The following MAP4K3 variants were observed in gnomAD, a reference collection of about 807,000 sequenced individuals.
MAP4K3 encodes MAPK/ERK kinase kinase kinase 3.
MAP4K3 carries 94 observed loss-of-function variants against 143.5 expected under a neutral mutation model. The ratio of observed to expected loss-of-function variants is 0.65; its 90% CI spans 0.55 to 0.78. MAP4K3 has a LOEUF of 0.78. Among genes scored for constraint, MAP4K3 ranks in the 30% least tolerant of loss-of-function variants. The pLI is 0.00. For missense variants in MAP4K3, 1,077 were observed against 1,068.1 expected, an observed-to-expected ratio of 1.01 and a Z score of -0.12; for synonymous variants, 416 against 347.2, an observed-to-expected ratio of 1.20 and a Z score of -2.20.
chr2:39,286,224 G>C (rs550231454), intron 21 of MAP4K3, among the ~76,000 whole-genome samples: 1 of 152,320 alleles, frequency 6.6e-6, no homozygotes, highest in East Asian at 1.9e-4. Context: ...GTGCAACCTA[G>C]ATCCCTTGCA....
chr2:39,400,187 T>C (rs1369750774), intron 1 of MAP4K3, among the ~76,000 whole-genome samples: 1 of 152,096 alleles, frequency 6.6e-6, no homozygotes, highest in Non-Finnish European at 1.5e-5. Context: ...ATCCCTCCAT[T>C]CACAGAATTA....
chr2:39,429,463 G>T (rs1222604626), intron 1 of MAP4K3, among the ~76,000 whole-genome samples: 2 of 152,090 alleles, frequency 1.3e-5, no homozygotes, highest in Non-Finnish European at 2.9e-5. Flanking sequence ...TATATACAAA[G>T]ATATAAAAAA....
At chr2:39,288,824 G>A (rs370863191) in intron 19 of MAP4K3, among the ~76,000 whole-genome samples, 3 of 152,236 alleles carry the variant, frequency 2.0e-5, no homozygotes, top group South Asian at 2.1e-4. Context: ...AGGCTGAGGC[G>A]AGCGGATCAC....
At chr2:39,343,497 C>G (rs1665199775) in intron 3 of MAP4K3, 45 bp from the exon 4 acceptor site, 4 of 1,507,808 alleles carry the variant, frequency 2.7e-6, no homozygotes, top group African/African-American at 1.4e-5. Context: ...ATGATTAAAA[C>G]TGTCTGTGTG....
At chr2:39,311,139 G>A (rs944924333) in intron 13 of MAP4K3, among the ~76,000 whole-genome samples, 16 of 152,208 alleles carry the variant, frequency 1.1e-4, no homozygotes, top group African/African-American at 3.1e-4. Flanking sequence ...GTGTAATGGC[G>A]CGATCTCAGC....
At chr2:39,381,546 T>G (rs1388715984) in intron 1 of MAP4K3, among the ~76,000 whole-genome samples, 1 of 152,140 alleles carries the variant, frequency 6.6e-6, no homozygotes, top group African/African-American at 2.4e-5. Flanking sequence ...AAGAAACCAT[T>G]TGCCTAACCC....
intron 1 of MAP4K3, among the ~76,000 whole-genome samples, chr2:39,388,253 G>T (rs143593043): frequency 2.0e-5 from 3 of 152,094 alleles, no homozygotes; most frequent in Admixed American, 2.0e-4. Context: ...CCCAATGTGC[G>T]TAAACACCTT....
intron 15 of MAP4K3, among the ~76,000 whole-genome samples, chr2:39,305,276 A>G (rs1487649192): frequency 6.6e-6 from 1 of 152,196 alleles, no homozygotes; most frequent in Non-Finnish European, 1.5e-5. Flanking sequence ...ATATATATTT[A>G]CTTTAAAAAG....
intron 26 of MAP4K3, chr2:39,267,484 A>C (rs11124670): frequency 0.77 from 320,409 of 416,818 alleles, 129,240 homozygotes; most frequent in Non-Finnish European, 0.85. Flanking sequence ...CAGCCTGGCC[A>C]ACATAATAAA....
At chr2:39,371,785 G>A (rs1666086475) in intron 2 of MAP4K3, among the ~76,000 whole-genome samples, 1 of 151,254 alleles carries the variant, frequency 6.6e-6, no homozygotes, top group African/African-American at 2.4e-5. Flanking sequence ...GAGCTAAGAA[G>A]GTCACTACAT....
At chr2:39,431,050 C>G (rs550312847) in intron 1 of MAP4K3, among the ~76,000 whole-genome samples, 1 of 152,252 alleles carries the variant, frequency 6.6e-6, no homozygotes, top group South Asian at 2.1e-4. Context: ...CAGCAATGAA[C>G]AAAGCAAAAT....
At chr2:39,266,144 A>C (rs3770670) in intron 27 of MAP4K3, among the ~76,000 whole-genome samples, 135,064 of 152,184 alleles carry the variant, frequency 0.89, 60,118 homozygotes, top group Non-Finnish European at 0.92. Flanking sequence ...AGAGTCAAGT[A>C]AATTTGCTGC....
intron 12 of MAP4K3, among the ~76,000 whole-genome samples, chr2:39,320,136 T>C (rs2148509851): frequency 6.6e-6 from 1 of 152,302 alleles, no homozygotes; most frequent in South Asian, 2.1e-4. Context: ...AATAATGTTT[T>C]AGCTACAGCA....
At chr2:39,271,023 C>A (rs1413019897) in intron 26 of MAP4K3, among the ~76,000 whole-genome samples, 4 of 151,600 alleles carry the variant, frequency 2.6e-5, no homozygotes, top group Non-Finnish European at 4.4e-5. Flanking sequence ...AGGTGAAATA[C>A]CCTTAGAGCT....
At chr2:39,390,203 T>C (rs994240547) in intron 1 of MAP4K3, among the ~76,000 whole-genome samples, 6 of 152,186 alleles carry the variant, frequency 3.9e-5, no homozygotes, top group Non-Finnish European at 4.4e-5. Context: ...ATGATAATAG[T>C]ATTTGGTAGG....
Position 39,315,397 on chromosome 2 carries a change from G to C in MAP4K3, c.919-9C>G. The C allele has an allele frequency of 1.3e-6, 2 of 1,586,098 alleles. No homozygotes were observed. Among genetic ancestry groups the C allele is most frequent in the South Asian group, 2.2e-5 (2 of 88,964 alleles). ...GGTACAGCAACAAGAGGCTAGAAAA[G>C]AACAAAATCAATGATATGCAGCATT... On this transcript the variant is annotated splice_polypyrimidine_tract_variant and intron_variant, in intron 12 of 33. Transcript: ENST00000263881.
At chr2:39,271,547 T>A (rs1157257539) in intron 26 of MAP4K3, among the ~76,000 whole-genome samples, 1 of 152,132 alleles carries the variant, frequency 6.6e-6, no homozygotes, top group Non-Finnish European at 1.5e-5. Context: ...AATAACAAAT[T>A]ACTGAAACTA....
chr2:39,344,061 G>T (rs567142133), intron 3 of MAP4K3, among the ~76,000 whole-genome samples: 1 of 152,224 alleles, frequency 6.6e-6, no homozygotes, highest in South Asian at 2.1e-4. Flanking sequence ...ACCAGGAAAT[G>T]TACCATTCAT....
intron 4 of MAP4K3, 60 bp downstream of exon 4, chr2:39,343,328 A>C (rs55797011): frequency 0.026 from 29,043 of 1,105,770 alleles, 480 homozygotes; most frequent in African/African-American, 0.054. Flanking sequence ...TTAATATAGT[A>C]AATAGCTGTA....
Sources: allele counts gnomAD v4.1 joint callset (sites outside exome capture counted in the v4.1 genomes callset), GRCh38; gene constraint gnomAD v4.1.1; transcripts MANE v1.5; gene names NCBI Gene and HGNC (gene_info 2026-07-23, HGNC 2026-07-21).